Variants in GABBR2 observed in about 807,000 individuals in gnomAD.
GABBR2 encodes gamma-aminobutyric acid type B receptor subunit 2, also known as G-protein coupled receptor 51.
GABBR2 carries 23 observed loss-of-function variants against 105.6 expected under a neutral mutation model. That is an observed-to-expected ratio of 0.22 (90% CI 0.16 to 0.31). The LOEUF is 0.31. Among genes scored for constraint, GABBR2 ranks in the 10% least tolerant of loss-of-function variants. The pLI is 1.00. For synonymous variants in GABBR2, 478 were observed against 499.7 expected, an observed-to-expected ratio of 0.96 and a Z score of 0.58; for missense variants, 734 against 1,245.5, an observed-to-expected ratio of 0.59 and a Z score of 6.18.
intron 2 of GABBR2, chr9:98,555,840 A>G (rs1250580972): frequency 6.6e-6 from 1 of 152,166 alleles, no homozygotes; most frequent in East Asian, 1.9e-4. Context: ...ACTCACAGAC[A>G]CCTCCTCCAG....
chr9:98,622,144 A>C (rs915449616), intron 1 of GABBR2, among the ~76,000 whole-genome samples: 1 of 151,988 alleles, frequency 6.6e-6, no homozygotes, highest in Non-Finnish European at 1.5e-5. Flanking sequence ...ATTTTATTTT[A>C]TTTTATTTTA....
chr9:98,646,525 G>A (rs1426181304), intron 1 of GABBR2, among the ~76,000 whole-genome samples: 1 of 152,112 alleles, frequency 6.6e-6, no homozygotes, highest in African/African-American at 2.4e-5. Context: ...AATCATAGCT[G>A]TGAGTACAAC....
At chr9:98,419,011 C>T (rs190456148) in intron 7 of GABBR2, among the ~76,000 whole-genome samples, 1 of 152,356 alleles carries the variant, frequency 6.6e-6, no homozygotes, top group East Asian at 1.9e-4. Context: ...AACCAAATTG[C>T]TGACCAGCTG....
intron 1 of GABBR2, among the ~76,000 whole-genome samples, chr9:98,602,876 T>C (rs1829361956): frequency 6.6e-6 from 1 of 152,194 alleles, no homozygotes; most frequent in African/African-American, 2.4e-5. Context: ...GAGTCCAGTA[T>C]GCTACAGGCA....
chr9:98,504,988 T>C (rs1282469821), intron 3 of GABBR2, among the ~76,000 whole-genome samples: 1 of 152,198 alleles, frequency 6.6e-6, no homozygotes, highest in Non-Finnish European at 1.5e-5. Flanking sequence ...AGAGCTGTCA[T>C]GTAGAGGGGG....
At chr9:98,614,123 A>T (rs1829546588) in intron 1 of GABBR2, among the ~76,000 whole-genome samples, 1 of 152,264 alleles carries the variant, frequency 6.6e-6, no homozygotes, top group Non-Finnish European at 1.5e-5. Context: ...GGATATAACC[A>T]CATCAGCAGA....
In GABBR2 at chr9:98,468,388, G is replaced by C. The variant is rs377087012; in HGVS notation, c.999+4758C>G. On this transcript the variant is annotated intron_variant, in intron 6 of 18. Transcript: ENST00000259455. ...ATCCTGGGAGATCTGACAAGAGCAA[G>C]TACAAGAGGACAGGGGTTTGACAAA... Among the ~76,000 whole-genome samples the C allele has an allele frequency of 6.6e-5, 10 of 152,328 alleles. No homozygotes were observed. In the East Asian group the frequency reaches 1.7e-3, roughly 26 times the overall value.
chr9:98,303,294 G>A lies in GABBR2; in HGVS notation c.2359C>T (p.Arg787Cys). The change falls in exon 16 of 19, where the codon CGC (arginine) becomes TGC (cysteine). Residue 787 changes from arginine (R) to cysteine (C), a missense_variant. Arg to Cys is a radical substitution (Grantham distance 180, BLOSUM62 -3). Transcript: ENST00000259455. ...VTSVNQASTS[R>C]LEGLQSENHR... ...TTTTCTGACTGTAGGCCCTCCAGGC[G>A]GGATGTGCTGGCTTGGTTCACACTG... 2.5e-6 allele frequency: 4 copies of A among 1,614,148 alleles called. No individual in the cohort carries two copies. The highest frequency in any genetic ancestry group is 2.5e-6 in the Non-Finnish European group (3 of 1,179,988).
At chr9:98,357,307 C>T (rs540118675) in intron 13 of GABBR2, among the ~76,000 whole-genome samples, 112 of 152,204 alleles carry the variant, frequency 7.4e-4, no homozygotes, top group African/African-American at 2.6e-3. Context: ...CCTAAAACTA[C>T]CCTAAGAAAT....
rs34589145 is a variant in GABBR2 at position 98,688,394 on chromosome 9, C to CATATATAT, written c.321+20015_321+20022dup. 1.8e-3 allele frequency among the ~76,000 whole-genome samples: 258 copies of CATATATAT among 140,540 alleles called. 9 individuals are homozygous for CATATATAT. Among genetic ancestry groups the CATATATAT allele is most frequent in the African/African-American group, 5.4e-3 (205 of 37,784 alleles). The allele number at this position is 140,540 out of a possible 152,430, so 92.2% of individuals were successfully genotyped here. ...TAATTTAAGAAATAATATGTGGTTTCATATATATATATATATAAAATCTCC... is the reference window on the plus strand; with the variant it reads ...TAATTTAAGAAATAATATGTGGTTTCATATATATATATATATATATATATAAAATCTCC... On this transcript the variant is annotated intron_variant, in intron 1 of 18. Coordinates refer to ENST00000259455, the MANE Select transcript of GABBR2 (RefSeq NM_005458.8).
intron 3 of GABBR2, among the ~76,000 whole-genome samples, chr9:98,506,775 C>A (rs1827520773): frequency 6.6e-6 from 1 of 152,212 alleles, no homozygotes. Context: ...CACATCAAGA[C>A]CTCATGGCAG....
At chr9:98,465,882 C>T (rs1826539169) in intron 6 of GABBR2, among the ~76,000 whole-genome samples, 1 of 152,210 alleles carries the variant, frequency 6.6e-6, no homozygotes, top group South Asian at 2.1e-4. Flanking sequence ...CTGCCCAAAT[C>T]CCATGTCAAA....
chr9:98,350,414 T>G (rs55658076), intron 13 of GABBR2, among the ~76,000 whole-genome samples: 42 of 152,312 alleles, frequency 2.8e-4, no homozygotes, highest in Admixed American at 2.4e-3. Flanking sequence ...TTGCTGTATC[T>G]CATAGGTTTT....
rs922117559 is a variant in GABBR2 at position 98,545,946 on chromosome 9, G to A, written c.460-3903C>T. ...TTTCTGAGCTCTCCTGCCTTGTTTC[G>A]CATAACCAAGTTTGTTTCTGAACAG... is the stretch of plus-strand genomic sequence containing the variant. On this transcript the variant is annotated intron_variant, in intron 2 of 18. Transcript: ENST00000259455. Among the ~76,000 whole-genome samples the A allele has an allele frequency of 3.3e-5, 5 of 152,226 alleles. 1 individual carries two copies. Among genetic ancestry groups the A allele is most frequent in the South Asian group, 4.1e-4 (2 of 4,820 alleles).
intron 1 of GABBR2, among the ~76,000 whole-genome samples, chr9:98,646,626 G>A (rs1830031568): frequency 6.6e-6 from 1 of 152,202 alleles, no homozygotes; most frequent in Non-Finnish European, 1.5e-5. Context: ...AAGCCCTAAA[G>A]CTATCATCTG....
At chr9:98,309,378 C>T (rs1830602058) in intron 14 of GABBR2, among the ~76,000 whole-genome samples, 1 of 152,222 alleles carries the variant, frequency 6.6e-6, no homozygotes, top group African/African-American at 2.4e-5. Context: ...AATCAAGGAA[C>T]ATTAAGGATG....
At chr9:98,586,290 T>C (rs1049127913) in intron 1 of GABBR2, among the ~76,000 whole-genome samples, 19 of 150,086 alleles carry the variant, frequency 1.3e-4, no homozygotes, top group Non-Finnish European at 1.5e-4. Context: ...CTTTCTTTTT[T>C]TTTTTTTTTT....
At chr9:98,558,011 A>G (rs911071375) in intron 2 of GABBR2, among the ~76,000 whole-genome samples, 6 of 152,236 alleles carry the variant, frequency 3.9e-5, no homozygotes, top group African/African-American at 1.2e-4. Context: ...AAATTAGGTC[A>G]TAATGTGAAT....
intron 9 of GABBR2, among the ~76,000 whole-genome samples, chr9:98,393,032 AT>A (rs1832214113): frequency 4.9e-5 from 2 of 40,806 alleles, no homozygotes; most frequent in South Asian, 1.1e-3. Flanking sequence ...GCATCCACCC[AT>A]CCATCCATCC....
Sources: gnomAD v4.1 joint callset for allele counts (sites outside exome capture counted in the v4.1 genomes callset) on GRCh38, gnomAD v4.1.1 for gene constraint, MANE v1.5 for transcripts, NCBI Gene and HGNC (gene_info 2026-07-23, HGNC 2026-07-21) for gene names.